The following ERBB4 variants were observed in gnomAD, a reference collection of about 807,000 sequenced individuals.
ERBB4 encodes the protein erb-b2 receptor tyrosine kinase 4.
A neutral mutation model predicts 158.0 loss-of-function variants in ERBB4; 42 were observed. The ratio of observed to expected loss-of-function variants is 0.27; its 90% CI spans 0.21 to 0.34. The LOEUF is 0.34. ERBB4 is among the 10% of genes least tolerant of loss of function. The pLI, the probability that ERBB4 is intolerant of heterozygous loss-of-function variation, is 1.00. For synonymous variants in ERBB4, 583 were observed against 558.7 expected (o/e 1.04, Z -0.61); for missense variants, 1,333 against 1,624.1 (o/e 0.82, Z 3.08).
chr2:212,094,271 A>G (rs1454038534), intron 2 of ERBB4, among the ~76,000 whole-genome samples: 1 of 149,962 alleles, frequency 6.7e-6, no homozygotes, highest in African/African-American at 2.4e-5. Context: ...AAAAATAATA[A>G]TAATAAAATA....
At chr2:212,207,907 ATCT>A (rs1333882964) in intron 1 of ERBB4, among the ~76,000 whole-genome samples, 2 of 152,020 alleles carry the variant, frequency 1.3e-5, no homozygotes, top group Non-Finnish European at 2.9e-5. Flanking sequence ...AAAGTATATG[ATCT>A]TCTGCAATTT....
In ERBB4 at chr2:212,293,743, G is replaced by A. The variant is rs960657531; in HGVS notation, c.83-168840C>T. Among the ~76,000 whole-genome samples the A allele has an allele frequency of 9.2e-5, 14 of 151,382 alleles. No homozygotes were observed. In the South Asian group the frequency reaches 2.3e-3, roughly 25 times the overall value. On this transcript the variant is annotated intron_variant, in intron 1 of 27. Transcript: ENST00000342788. ...CATGCCTGTAATCCCAGCTACTCAGGAGGCTGAGGCAGGGGAATTGCTTGA... is the reference window on the plus strand; with the variant it reads ...CATGCCTGTAATCCCAGCTACTCAGAAGGCTGAGGCAGGGGAATTGCTTGA...
chr2:212,520,687 T>G (rs1273363585), intron 1 of ERBB4, among the ~76,000 whole-genome samples: 1 of 152,034 alleles, frequency 6.6e-6, no homozygotes, highest in African/African-American at 2.4e-5. Flanking sequence ...TGAAAAAGTT[T>G]CCACATTGGT....
intron 3 of ERBB4, among the ~76,000 whole-genome samples, chr2:211,936,094 C>A (rs1049604763): frequency 1.3e-5 from 2 of 151,900 alleles, no homozygotes; most frequent in East Asian, 3.9e-4. Context: ...TGTATACCAG[C>A]AGATATATAA....
intron 20 of ERBB4, among the ~76,000 whole-genome samples, chr2:211,486,149 T>A (rs1371238377): frequency 6.6e-6 from 1 of 152,168 alleles, no homozygotes; most frequent in African/African-American, 2.4e-5. Flanking sequence ...AAAAATTACA[T>A]CATCCTTCTT....
rs115158466 is a variant in ERBB4, at chr2:211,430,459, G to A, written c.2643+486C>T. Among the ~76,000 whole-genome samples the A allele has an allele frequency of 7.5e-3, 1,147 of 152,262 alleles. 12 individuals are homozygous for A. The highest frequency in any genetic ancestry group is 0.026 in the African/African-American group (1,091 of 41,542). On this transcript the variant is annotated intron_variant, in intron 21 of 27. Transcript: ENST00000342788. ...TTGTCAGGCAGAGGCTGAGACTAGAGGGTCAGAAAAGGTAGACGAGGCAGT... is the reference window on the plus strand; with the variant it reads ...TTGTCAGGCAGAGGCTGAGACTAGAAGGTCAGAAAAGGTAGACGAGGCAGT...
At chr2:211,901,315 C>A (rs1222010054) in intron 3 of ERBB4, among the ~76,000 whole-genome samples, 1 of 152,110 alleles carries the variant, frequency 6.6e-6, no homozygotes, top group African/African-American at 2.4e-5. Flanking sequence ...AATAAATGAG[C>A]ATTTTAATGT....
chr2:211,622,993 ATATATATATATATATATATATATATATAT>A (rs1559356932), intron 18 of ERBB4, among the ~76,000 whole-genome samples: 289 of 7,428 alleles, frequency 0.039, 52 homozygotes, highest in African/African-American at 0.14. Flanking sequence ...AAAAAAAAAT[ATATATATATATATATATATATATATATAT>A]ATATATATAT....
At chr2:212,300,682 T>C (rs2086587390) in intron 1 of ERBB4, among the ~76,000 whole-genome samples, 1 of 151,502 alleles carries the variant, frequency 6.6e-6, no homozygotes, top group Non-Finnish European at 1.5e-5. Flanking sequence ...ATATCTACTA[T>C]ATTATCTCAT....
At chr2:211,729,720 GA>G (rs1415406556) in intron 5 of ERBB4, among the ~76,000 whole-genome samples, 2 of 151,772 alleles carry the variant, frequency 1.3e-5, no homozygotes, top group Admixed American at 1.3e-4. Flanking sequence ...AATAATTCCT[GA>G]AATCAATGAG....
rs4467217 is a variant in ERBB4 at position 212,379,577 on chromosome 2, A to T, written c.82+158872T>A. ...AAGATCTTTTTAAAAATTCTTTGTC[A>T]ATCTATTGCCAAGAAGTCCATTTCC... On this transcript the variant is annotated intron_variant, in intron 1 of 27. Coordinates refer to ENST00000342788, the MANE Select transcript of ERBB4 (RefSeq NM_005235.3). 1.2e-4 allele frequency among the ~76,000 whole-genome samples: 18 copies of T among 151,778 alleles called. No homozygotes were observed. The South Asian group carries it at 3.7e-3, about 31-fold the overall frequency.
chr2:212,421,706 A>G (rs2091796545), intron 1 of ERBB4, among the ~76,000 whole-genome samples: 1 of 152,190 alleles, frequency 6.6e-6, no homozygotes, highest in Admixed American at 6.5e-5. Context: ...TCACTACACT[A>G]GGAAAATTTG....
intron 2 of ERBB4, among the ~76,000 whole-genome samples, chr2:211,988,120 T>C (rs189914302): frequency 7.2e-5 from 11 of 152,310 alleles, no homozygotes; most frequent in African/African-American, 2.6e-4. Context: ...AAATAATTTA[T>C]TAGAGCAGAA....
intron 20 of ERBB4, among the ~76,000 whole-genome samples, chr2:211,497,513 G>A (rs574550799): frequency 7.2e-4 from 110 of 152,200 alleles, no homozygotes; most frequent in African/African-American, 2.4e-3. Context: ...AAAATAAGAC[G>A]TGTGAGGATG....
chr2:211,387,533 G>C (rs2062711843), intron 26 of ERBB4, among the ~76,000 whole-genome samples: 1 of 152,092 alleles, frequency 6.6e-6, no homozygotes, highest in Non-Finnish European at 1.5e-5. Context: ...AGAAGTACAT[G>C]GATATATTTT....
chr2:211,553,758 GA>G (rs1367912443), intron 20 of ERBB4, among the ~76,000 whole-genome samples: 1 of 152,164 alleles, frequency 6.6e-6, no homozygotes, highest in Non-Finnish European at 1.5e-5. Flanking sequence ...AAGTGATAGA[GA>G]TGAGATTTGA....
chr2:211,623,277 A>T (rs1435717428), intron 18 of ERBB4, among the ~76,000 whole-genome samples: 2 of 151,640 alleles, frequency 1.3e-5, no homozygotes, highest in African/African-American at 2.4e-5. Flanking sequence ...AAAACACATG[A>T]TGTCATCTTT....
At chr2:211,615,647 G>A (rs566944298) in intron 19 of ERBB4, among the ~76,000 whole-genome samples, 2 of 151,974 alleles carry the variant, frequency 1.3e-5, no homozygotes, top group Non-Finnish European at 2.9e-5. Flanking sequence ...AACACAAACT[G>A]CCCCTTATTT....
At chr2:212,002,158 C>T (rs74746473) in intron 2 of ERBB4, among the ~76,000 whole-genome samples, 3,005 of 152,104 alleles carry the variant, frequency 0.02, 42 homozygotes, top group South Asian at 0.034. Flanking sequence ...AAAAATGATG[C>T]TAAGATTAAT....
Sources: gnomAD v4.1 joint callset for allele counts (sites outside exome capture counted in the v4.1 genomes callset) on GRCh38, gnomAD v4.1.1 for gene constraint, MANE v1.5 for transcripts, NCBI Gene and HGNC (gene_info 2026-07-23, HGNC 2026-07-21) for gene names.